RADX: variants seen among roughly 807,000 people sequenced by gnomAD.
RADX encodes RPA-related protein RADX.
RADX carries 36 observed loss-of-function variants against 61.6 expected under a neutral mutation model. The observed-to-expected ratio is 0.58, with a 90% CI of 0.45 to 0.77. RADX has a LOEUF of 0.77. Among genes scored for constraint, RADX ranks in the 30% least tolerant of loss-of-function variants. RADX has a pLI of 0.00. For missense variants in RADX, 497 were observed against 651.1 expected (o/e 0.76, Z 2.58); for synonymous variants, 272 against 237.9 (o/e 1.14, Z -1.32).
In RADX at chrX:106,640,596, T is replaced by G. The variant is rs5962707; in HGVS notation, c.1779T>G (p.Ile593Met). Reference protein sequence around the residue: ...PSTSQAARVEIQERNGKRHQD... With the variant: ...PSTSQAARVEMQERNGKRHQD... The stretch of plus-strand genomic sequence containing the variant: ...CCTCTCAAGCAGCTAGAGTAGAAAT[T>G]CAAGAAAGAAATGGTAAACGGCATC... Residue 593 changes from isoleucine to methionine, a missense_variant, in exon 10 of 14, where the codon ATT becomes ATG. Ile to Met is a conservative substitution (Grantham distance 10). This residue lies in a region of RADX where 267 missense variants were observed against 306.9 expected (regional missense o/e 0.87). Coordinates refer to ENST00000372548, the MANE Select transcript of RADX (RefSeq NM_018015.6). The G allele has an allele frequency of 0.02, 24,333 of 1,199,250 alleles. 3,001 individuals are homozygous for G. The African/African-American group carries it at 0.37, about 18-fold the overall frequency.
At chrX:106,616,937 C>T (rs1182208051) in intron 1 of RADX, among the ~76,000 whole-genome samples, 1 of 108,679 alleles carries the variant, frequency 9.2e-6, no homozygotes, top group African/African-American at 3.3e-5. Flanking sequence ...GATAATTTTA[C>T]AGAGATGGTA....
intron 10 of RADX, among the ~76,000 whole-genome samples, chrX:106,641,057 G>A (rs1603046998): frequency 9.0e-6 from 1 of 110,814 alleles, no homozygotes; most frequent in Admixed American, 9.6e-5. Flanking sequence ...TTCACATGGA[G>A]TTCTCTCTGT....
chrX:106,650,336 G>T (rs1927763847), intron 11 of RADX, among the ~76,000 whole-genome samples: 1 of 110,674 alleles, frequency 9.0e-6, no homozygotes, highest in African/African-American at 3.3e-5. Context: ...AGACCCTAAG[G>T]TCTAGACAAA....
chrX:106,629,959 C>G (rs1363867400), intron 3 of RADX, among the ~76,000 whole-genome samples: 1 of 111,857 alleles, frequency 8.9e-6, no homozygotes, highest in Non-Finnish European at 1.9e-5. Context: ...ACACAAAAAG[C>G]TTTTATTAAA....
chrX:106,660,412 A>G (rs188611369), intron 11 of RADX, among the ~76,000 whole-genome samples: 182 of 112,170 alleles, frequency 1.6e-3, no homozygotes, highest in African/African-American at 4.7e-3. Context: ...TACATTTTCA[A>G]TAAGTCTCCA....
At chrX:106,626,000 G>A (rs996978224) in intron 3 of RADX, among the ~76,000 whole-genome samples, 2 of 111,376 alleles carry the variant, frequency 1.8e-5, no homozygotes, top group Admixed American at 9.6e-5. Flanking sequence ...CTAACCTATA[G>A]TCAGTATTCA....
In RADX at chrX:106,639,681, A is replaced by C. The variant is rs757467408; in HGVS notation, c.1728A>C (p.Thr576=). 1 of 1,176,204 alleles carries C rather than the reference A, an allele frequency of 8.5e-7. No individual in the cohort carries two copies. The highest frequency in any genetic ancestry group is 1.1e-6 in the Non-Finnish European group (1 of 876,871). The change falls in exon 9 of 14, where the codon ACA becomes ACC. Residue 576 remains threonine (T), a synonymous_variant. Transcript: ENST00000372548. The part of the protein sequence containing the change: ...SATESASASE[T]LRNANRPSTS... The stretch of plus-strand genomic sequence containing the variant: ...CTGAAAGTGCCTCAGCATCAGAAAC[A>C]CTTCGGGTATGGTGCCAGAGAATTA...
intron 13 of RADX, among the ~76,000 whole-genome samples, chrX:106,673,685 C>G (rs1198573512): frequency 9.4e-6 from 1 of 106,331 alleles, no homozygotes; most frequent in African/African-American, 3.5e-5. Flanking sequence ...CCCATCCCCC[C>G]CCACACACAC....
chrX:106,639,651 T>A lies in RADX; in HGVS notation c.1698T>A (p.Ser566Arg). ...ITAIKYIPHS[S>R]ATESASASET... ...CTATAAAGTATATCCCCCATAGCAG[T>A]GCGACTGAAAGTGCCTCAGCATCAG... The change falls in exon 9 of 14, where the codon AGT becomes AGA. Residue 566 changes from serine (S) to arginine (R), a missense_variant. Around this residue, in one of 3 missense-constraint regions of RADX, gnomAD observed 267 missense variants for 306.9 expected, o/e 0.87. Coordinates refer to ENST00000372548, the MANE Select transcript of RADX (RefSeq NM_018015.6). The A allele has an allele frequency of 4.2e-6, 5 of 1,191,625 alleles. No individual in the cohort carries two copies. The highest frequency in any genetic ancestry group is 5.6e-6 in the Non-Finnish European group (5 of 886,616).
At chrX:106,613,875 A>C (rs181421379) in intron 1 of RADX, among the ~76,000 whole-genome samples, 43 of 112,403 alleles carry the variant, frequency 3.8e-4, no homozygotes, top group African/African-American at 1.4e-3. Context: ...AATTTTTAGA[A>C]TTGAATATGT....
intron 13 of RADX, among the ~76,000 whole-genome samples, chrX:106,677,677 G>A (rs1378042035): frequency 3.6e-5 from 4 of 109,777 alleles, no homozygotes; most frequent in Admixed American, 9.7e-5. Flanking sequence ...ATATTTATGC[G>A]GTAAAATATA....
At position 106,612,333 on chromosome X, in the gene RADX, G is replaced by C; in HGVS notation, c.253G>C (p.Asp85His). The change falls in exon 1 of 14, where the codon GAC becomes CAC. Residue 85 changes from aspartate to histidine, a missense_variant. Asp to His is a moderately conservative substitution (Grantham distance 81). Transcript: ENST00000372548. ...QRYLLEDEPRDTVPKPPLYCY... is the reference protein window; with the variant it reads ...QRYLLEDEPRHTVPKPPLYCY... Reference sequence around the variant, plus strand: ...GTACCTGTTAGAGGATGAGCCACGCGACACGGTGCCCAAGCCTCCCCTTTA... The same window carrying C: ...GTACCTGTTAGAGGATGAGCCACGCCACACGGTGCCCAAGCCTCCCCTTTA... 8.3e-7 allele frequency: 1 copy of C among 1,211,821 alleles called. No individual in the cohort carries two copies. The highest frequency in any genetic ancestry group is 1.8e-5 in the South Asian group (1 of 56,960).
At position 106,637,869 on chromosome X, in the gene RADX, T is replaced by C; in HGVS notation, c.1518T>C (p.Tyr506=). Reference sequence around the variant, plus strand: ...AGAAGAATATGGTTATTGGTGGATATTACCCCTATCCACCAGTGCCAGAGA... The same window carrying C: ...AGAAGAATATGGTTATTGGTGGATACTACCCCTATCCACCAGTGCCAGAGA... ...GEQKNMVIGG[Y]YPYPPVPETF... Residue 506 remains tyrosine (Y), a synonymous_variant, in exon 8 of 14, where the codon TAT becomes TAC. Coordinates refer to ENST00000372548, the MANE Select transcript of RADX (RefSeq NM_018015.6). The C allele has an allele frequency of 8.3e-7, 1 of 1,203,348 alleles. No homozygotes were observed. The highest frequency in any genetic ancestry group is 1.1e-6 in the Non-Finnish European group (1 of 887,720).
chrX:106,625,017 A>G lies in RADX; in HGVS notation c.787-73A>G, dbSNP rs982528774. Reference sequence around the variant, plus strand: ...TTTCCATCACTCTAAATGATCACAAATAATATGCTATATATTATCTGTACA... The same window carrying G: ...TTTCCATCACTCTAAATGATCACAAGTAATATGCTATATATTATCTGTACA... On this transcript the variant is annotated intron_variant, in intron 2 of 13. Transcript: ENST00000372548. 4 of 616,353 alleles carry G rather than the reference A, an allele frequency of 6.5e-6. No individual in the cohort carries two copies. In the African/African-American group the frequency reaches 9.2e-5, roughly 14 times the overall value. The allele number at this position is 616,353 out of a possible 1,213,427, so 50.8% of individuals were successfully genotyped here.
At chrX:106,631,815 GAAAGAAAGAAAGA>G (rs1475317157) in intron 3 of RADX, among the ~76,000 whole-genome samples, 1 of 103,209 alleles carries the variant, frequency 9.7e-6, no homozygotes, top group Admixed American at 1.1e-4. Flanking sequence ...GAAAGAAAGA[GAAAGAAAGAAAGA>G]AAAGAAAGAA....
At chrX:106,624,606 G>T in intron 2 of RADX, among the ~76,000 whole-genome samples, 1 of 111,534 alleles carries the variant, frequency 9.0e-6, no homozygotes, top group Non-Finnish European at 1.9e-5. Context: ...CACATAGCAA[G>T]TCCTATATAT....
intron 12 of RADX, among the ~76,000 whole-genome samples, chrX:106,668,877 A>G (rs1266961258): frequency 8.9e-6 from 1 of 112,362 alleles, no homozygotes; most frequent in Non-Finnish European, 1.9e-5. Context: ...TTGTGTGACC[A>G]TGCTGTCCTT....
In RADX at chrX:106,652,413, T is replaced by C. The variant is rs146274527; in HGVS notation, c.1978+4027T>C. ...GGAATGGCAAAATATATACCTGATATATACTAACCAAGAGAAAAGTGGTAT... is the reference window on the plus strand; with the variant it reads ...GGAATGGCAAAATATATACCTGATACATACTAACCAAGAGAAAAGTGGTAT... On this transcript the variant is annotated intron_variant, in intron 11 of 13. Transcript: ENST00000372548. Among the ~76,000 whole-genome samples, 29 of 111,099 alleles carry C rather than the reference T, an allele frequency of 2.6e-4. No homozygotes were observed. In the East Asian group the frequency reaches 8.0e-3, roughly 31 times the overall value.
chrX:106,659,279 A>G (rs1469878814), intron 11 of RADX, among the ~76,000 whole-genome samples: 3 of 111,599 alleles, frequency 2.7e-5, no homozygotes, highest in African/African-American at 6.5e-5. Context: ...GCCTCTATCA[A>G]CCTACCACTC....
Sources: allele counts gnomAD v4.1 joint callset (sites outside exome capture counted in the v4.1 genomes callset), GRCh38; gene constraint gnomAD v4.1.1; regional missense constraint gnomAD v4.1.1; transcripts MANE v1.5; gene names NCBI Gene and HGNC (gene_info 2026-07-23, HGNC 2026-07-21).